The following CLASRP variants were observed in gnomAD, a reference collection of about 807,000 sequenced individuals.
CLASRP encodes CLK4-associating serine/arginine rich protein.
A neutral mutation model predicts 99.9 loss-of-function variants in CLASRP; 52 were observed. The observed-to-expected ratio is 0.52, with a 90% CI of 0.42 to 0.66. The LOEUF is 0.66. Among genes scored for constraint, CLASRP ranks in the 30% least tolerant of loss-of-function variants. The pLI, the probability that CLASRP is intolerant of heterozygous loss-of-function variation, is 0.00. For synonymous variants in CLASRP, 379 were observed against 373.0 expected, an observed-to-expected ratio of 1.02 and a Z score of -0.18; for missense variants, 848 against 999.2, an observed-to-expected ratio of 0.85 and a Z score of 2.04.
At chr19:45,043,225 G>GTGTGTA (rs925940977) in intron 2 of CLASRP, among the ~76,000 whole-genome samples, 3 of 150,684 alleles carry the variant, frequency 2.0e-5, no homozygotes, top group African/African-American at 4.9e-5. Context: ...GTGTGTGTGT[G>GTGTGTA]TGTGTGTGTG....
rs1457648121 is a variant in CLASRP at position 45,067,911 on chromosome 19, A to G, written c.1668-104A>G. The G allele has an allele frequency of 5.6e-6, 5 of 887,412 alleles. No individual in the cohort carries two copies. The highest frequency in any genetic ancestry group is 2.7e-5 in the South Asian group (2 of 74,576). 55.0% of individuals were successfully genotyped at this position (887,412 alleles called of 1,614,324 possible). On this transcript the variant is annotated intron_variant, in intron 14 of 20. Transcript: ENST00000221455. This position sits in a 1 kb window ranked among gnomAD's most constrained non-coding sequence, Gnocchi z 4.9. ...TTGCACCCTGGGGCATCTGAGGCCC[A>G]TGCCTTGGCTACCTGGTCTGAGGGC...
In CLASRP at chr19:45,046,598, C is replaced by T. The variant is rs60842850; in HGVS notation, c.100-5473C>T. Among the ~76,000 whole-genome samples the T allele has an allele frequency of 8.9e-3, 1,348 of 152,298 alleles. 21 individuals are homozygous for T. The highest frequency in any genetic ancestry group is 0.03 in the African/African-American group (1,267 of 41,560). ...GGACTGTGAGCCCATGAGGGCAGGG[C>T]CAGGGCTATCTCAGTTACTGCCATA... On this transcript the variant is annotated intron_variant, in intron 2 of 20. Coordinates refer to ENST00000221455, the MANE Select transcript of CLASRP (RefSeq NM_007056.3).
At position 45,068,921 on chromosome 19, in the gene CLASRP, C is replaced by T. The variant is rs369824166; in HGVS notation, c.1769-145C>T. 194 of 742,806 alleles carry T rather than the reference C, an allele frequency of 2.6e-4. No homozygotes were observed. In the East Asian group the frequency reaches 3.5e-3, roughly 14 times the overall value. The allele number at this position is 742,806 out of a possible 1,614,324, so 46.0% of individuals were successfully genotyped here. A position where few individuals can be genotyped will look rare whatever the true frequency, so the allele number is the denominator to read the frequency against. ...CAGGAGATGGCGCGAACCCGGGGGG[C>T]GGAGCCTGCAGTGAGCCAAGATCAC... On this transcript the variant is annotated intron_variant, in intron 16 of 20. Coordinates refer to ENST00000221455, the MANE Select transcript of CLASRP (RefSeq NM_007056.3).
chr19:45,060,437 G>A lies in CLASRP; in HGVS notation c.759G>A (p.Lys253=), dbSNP rs147776329. The change falls in exon 9 of 21, where the codon AAG becomes AAA. Residue 253 remains lysine (K), a synonymous_variant. Coordinates refer to ENST00000221455, the MANE Select transcript of CLASRP (RefSeq NM_007056.3). This position sits in a 1 kb window ranked among gnomAD's most constrained non-coding sequence, Gnocchi z 4.6. ...KEEAEAIKHA[K]ALEEEKAMYS... is the part of the protein sequence containing the mutation. ...AGGCAGAGGCCATCAAGCATGCCAA[G>A]GCTCTTGAGGAGGAGAAGGCCATGT... 0.012 allele frequency: 20,026 copies of A among 1,614,130 alleles called. 169 individuals are homozygous for A. The highest frequency in any genetic ancestry group is 0.014 in the Non-Finnish European group (17,079 of 1,179,996).
At chr19:45,059,504 T>G in intron 8 of CLASRP, 140 bp downstream of exon 8, 1 of 711,328 alleles carries the variant, frequency 1.4e-6, no homozygotes, top group Non-Finnish European at 2.4e-6. Flanking sequence ...CACATGCAGG[T>G]CCCTGAGCCT....
chr19:45,062,150 G>C lies in CLASRP; in HGVS notation c.864-4G>C. ...TTTGTCCCACCCCATTCTTTTCTCT[G>C]TAGCTATGCCCGCCGAGACAGCCCC... On this transcript the variant is annotated splice_region_variant and splice_polypyrimidine_tract_variant and intron_variant, in intron 10 of 20. Coordinates refer to ENST00000221455, the MANE Select transcript of CLASRP (RefSeq NM_007056.3). The C allele has an allele frequency of 6.6e-7, 1 of 1,521,142 alleles. No individual in the cohort carries two copies. 94.2% of individuals were successfully genotyped at this position (1,521,142 alleles called of 1,614,324 possible). A position where few individuals can be genotyped will look rare whatever the true frequency, so the allele number is the denominator to read the frequency against.
rs1021406147 is a variant in CLASRP at position 45,064,242 on chromosome 19, C to G, written c.1121+15C>G. On this transcript the variant is annotated intron_variant, in intron 12 of 20. Transcript: ENST00000221455. ...GCCAGCGCCCGGTCGGTAACGCTCA[C>G]GCCGCCCGCCCTACGCCCCGGTCAC... The G allele has an allele frequency of 3.8e-6, 6 of 1,569,296 alleles. No individual in the cohort carries two copies. The African/African-American group carries it at 5.4e-5, about 14-fold the overall frequency.
chr19:45,068,547 A>C, intron 16 of CLASRP, 67 bp downstream of exon 16: 1 of 1,192,838 alleles, frequency 8.4e-7, no homozygotes, highest in Non-Finnish European at 1.3e-6. Context: ...GAGCAAGGAG[A>C]CTCAGCACCA....
intron 2 of CLASRP, among the ~76,000 whole-genome samples, chr19:45,048,855 G>A (rs950361351): frequency 6.6e-6 from 1 of 151,726 alleles, no homozygotes; most frequent in Non-Finnish European, 1.5e-5. Flanking sequence ...GCGTGGTGGC[G>A]GGCACCTGTA....
chr19:45,067,285 G>A lies in CLASRP; in HGVS notation c.1410-52G>A. The A allele has an allele frequency of 6.9e-7, 1 of 1,452,420 alleles. No individual in the cohort carries two copies. The highest frequency in any genetic ancestry group is 1.4e-5 in the South Asian group (1 of 70,728). The allele number at this position is 1,452,420 out of a possible 1,614,324, so 90.0% of individuals were successfully genotyped here. ...GGATCCGGACCCAGGGTGGGGTGCGGTTGGGGTCCCTGGAGCCTCACAGTC... is the reference window on the plus strand; with the variant it reads ...GGATCCGGACCCAGGGTGGGGTGCGATTGGGGTCCCTGGAGCCTCACAGTC... On this transcript the variant is annotated intron_variant, in intron 13 of 20. Coordinates refer to ENST00000221455, the MANE Select transcript of CLASRP (RefSeq NM_007056.3). The surrounding 1 kb of genome is among the most constrained non-coding windows in gnomAD (Gnocchi z 4.9).
intron 2 of CLASRP, among the ~76,000 whole-genome samples, chr19:45,048,273 A>G (rs1971958097): frequency 6.6e-6 from 1 of 151,144 alleles, no homozygotes; most frequent in Admixed American, 6.6e-5. Flanking sequence ...GTGGTGGCTC[A>G]TGCCTGTAAT....
chr19:45,058,136 C>G, intron 7 of CLASRP: 2 of 553,288 alleles, frequency 3.6e-6, no homozygotes, highest in South Asian at 4.2e-5. Flanking sequence ...TTTTCCCCTC[C>G]TAGGTGTTGG....
chr19:45,068,568 C>T, intron 16 of CLASRP, 88 bp downstream of exon 16: 1 of 1,028,590 alleles, frequency 9.7e-7, no homozygotes, highest in Non-Finnish European at 1.5e-6. Flanking sequence ...CTTTGGGAGG[C>T]CTGGCCCTTC....
Position 45,064,236 on chromosome 19 carries a change from C to G in CLASRP, c.1121+9C>G, listed in dbSNP as rs923418105. On this transcript the variant is annotated intron_variant, in intron 12 of 20. Coordinates refer to ENST00000221455, the MANE Select transcript of CLASRP (RefSeq NM_007056.3). ...CGTAATGCCAGCGCCCGGTCGGTAA[C>G]GCTCACGCCGCCCGCCCTACGCCCC... 6.3e-7 allele frequency: 1 copy of G among 1,574,808 alleles called. No individual in the cohort carries two copies. Among genetic ancestry groups the G allele is most frequent in the Non-Finnish European group, 8.6e-7 (1 of 1,162,482 alleles).
At chr19:45,056,942 A>AT (rs1385370318) in intron 6 of CLASRP, among the ~76,000 whole-genome samples, 1 of 152,156 alleles carries the variant, frequency 6.6e-6, no homozygotes, top group Non-Finnish European at 1.5e-5. Context: ...AGCACCTGCC[A>AT]TGTAGTGAGC....
chr19:45,053,285 G>A, intron 5 of CLASRP, 108 bp downstream of exon 5: 9 of 1,087,086 alleles, frequency 8.3e-6, no homozygotes, highest in Non-Finnish European at 1.2e-5. Flanking sequence ...CTACTAAAGG[G>A]CCTTGGGTTC....
chr19:45,061,785 TATCATCATC>T lies in CLASRP; in HGVS notation c.864-351_864-343del, dbSNP rs553847506. Among the ~76,000 whole-genome samples, 374 of 151,474 alleles carry T rather than the reference TATCATCATC, an allele frequency of 2.5e-3. 2 individuals are homozygous for T. The highest frequency in any genetic ancestry group is 8.8e-3 in the African/African-American group (362 of 41,266). ...CACCGCACCCAGCCTATTTTAATCTTATCATCATCATCATCATCATCATCATTAGTAAGC... is the reference window on the plus strand; with the variant it reads ...CACCGCACCCAGCCTATTTTAATCTTATCATCATCATCATCATTAGTAAGC... On this transcript the variant is annotated intron_variant, in intron 10 of 20. Transcript: ENST00000221455.
intron 18 of CLASRP, 162 bp from the exon 19 acceptor site, chr19:45,069,860 G>T (rs1967193151): frequency 1.7e-6 from 1 of 585,854 alleles, no homozygotes; most frequent in Non-Finnish European, 3.1e-6. Context: ...GCCAGCTGGG[G>T]TCCCTCTGAA....
intron 10 of CLASRP, 114 bp from the exon 11 acceptor site, chr19:45,062,040 C>T (rs1966950175): frequency 1.3e-6 from 1 of 757,714 alleles, no homozygotes; most frequent in Admixed American, 2.0e-5. Context: ...TCAGCAGCCC[C>T]CTCACTGTGC....
Sources: gnomAD v4.1 joint callset for allele counts (sites outside exome capture counted in the v4.1 genomes callset) on GRCh38, gnomAD v4.1.1 for gene constraint, Gnocchi (gnomAD v3.1) non-coding constraint, MANE v1.5 for transcripts, NCBI Gene and HGNC (gene_info 2026-07-23, HGNC 2026-07-21) for gene names.